The following PTPRN2 variants were observed in gnomAD, a reference collection of about 807,000 sequenced individuals.
PTPRN2 encodes receptor-type tyrosine-protein phosphatase N2.
PTPRN2 carries 74 observed loss-of-function variants against 118.8 expected under a neutral mutation model. The ratio of observed to expected loss-of-function variants is 0.62; its 90% CI spans 0.52 to 0.76. The LOEUF (loss-of-function observed/expected upper bound fraction) is 0.76. Among genes scored for constraint, PTPRN2 ranks in the 30% least tolerant of loss-of-function variants. PTPRN2 has a pLI of 0.00. For missense variants in PTPRN2, 1,481 were observed against 1,394.4 expected, an observed-to-expected ratio of 1.06 and a Z score of -0.99; for synonymous variants, 641 against 608.0, an observed-to-expected ratio of 1.05 and a Z score of -0.80.
chr7:158,337,406 C>CA (rs1805852539), intron 2 of PTPRN2, among the ~76,000 whole-genome samples: 1 of 143,196 alleles, frequency 7.0e-6, no homozygotes, highest in African/African-American at 2.6e-5. Context: ...CTGCAGACGT[C>CA]CCTCACACCC....
At chr7:158,138,619 C>T in intron 6 of PTPRN2, 104 bp from the exon 7 acceptor site, 1 of 1,050,474 alleles carries the variant, frequency 9.5e-7, no homozygotes, top group South Asian at 1.5e-5. Context: ...CGTCCCAAGG[C>T]AGTGGCCACC....
chr7:158,242,133 C>T (rs1024155000), intron 3 of PTPRN2, among the ~76,000 whole-genome samples: 2 of 152,196 alleles, frequency 1.3e-5, no homozygotes, highest in African/African-American at 4.8e-5. Context: ...AGAGCCCAGC[C>T]TGTAACCATT....
chr7:157,753,728 G>C (rs1446328975), intron 12 of PTPRN2, among the ~76,000 whole-genome samples: 1 of 149,032 alleles, frequency 6.7e-6, no homozygotes, highest in Non-Finnish European at 1.5e-5. Context: ...CCATGTGCCA[G>C]GCCCCACACC....
At chr7:157,883,263 C>T (rs763784328) in intron 12 of PTPRN2, among the ~76,000 whole-genome samples, 3 of 150,346 alleles carry the variant, frequency 2.0e-5, no homozygotes, top group Non-Finnish European at 4.4e-5. Context: ...ACACACCACC[C>T]GAAAATGACT....
intron 6 of PTPRN2, among the ~76,000 whole-genome samples, chr7:158,157,566 G>T (rs1821936036): frequency 6.6e-6 from 1 of 152,214 alleles, no homozygotes; most frequent in African/African-American, 2.4e-5. Flanking sequence ...GACATGAGCT[G>T]GGTGGAGCCG....
At chr7:158,110,731 AT>A in intron 10 of PTPRN2, 97 bp downstream of exon 10, 1 of 1,165,426 alleles carries the variant, frequency 8.6e-7, no homozygotes, top group Non-Finnish European at 1.2e-6. Flanking sequence ...CCCTCATGTA[AT>A]TAACAAGAGC....
rs1452991339 is a variant in PTPRN2 at position 157,964,701 on chromosome 7, T to C, written c.1724-65964A>G. Among the ~76,000 whole-genome samples, 1 of 152,144 alleles carries C rather than the reference T, an allele frequency of 6.6e-6. No homozygotes were observed. The highest frequency in any genetic ancestry group is 1.5e-5 in the Non-Finnish European group (1 of 68,028). On this transcript the variant is annotated intron_variant, in intron 11 of 22. Coordinates refer to ENST00000389418, the MANE Select transcript of PTPRN2 (RefSeq NM_002847.5). This position sits in a 1 kb window ranked among gnomAD's most constrained non-coding sequence, Gnocchi z 9.0. The stretch of plus-strand genomic sequence containing the variant: ...GCCAACCTGAGGCAGCATCATGGAC[T>C]TGACCGACTCACCTCAGAGCTTGGC...
chr7:158,087,506 G>A (rs574854672), intron 10 of PTPRN2, among the ~76,000 whole-genome samples: 10 of 152,336 alleles, frequency 6.6e-5, no homozygotes, highest in Admixed American at 1.3e-4. Flanking sequence ...TTCACTTACC[G>A]TGAAAGGTGA....
chr7:158,419,195 CAT>C (rs1563270851), intron 2 of PTPRN2, among the ~76,000 whole-genome samples: 1 of 152,212 alleles, frequency 6.6e-6, no homozygotes. Flanking sequence ...AGCCTGAAGA[CAT>C]GTGTCCTTGG....
chr7:157,764,920 G>GATCCATCCATATCC lies in PTPRN2; in HGVS notation c.1789-81997_1789-81984dup, dbSNP rs1039865741. Among the ~76,000 whole-genome samples, 1 of 138,314 alleles carries GATCCATCCATATCC rather than the reference G, an allele frequency of 7.2e-6. No homozygotes were observed. The highest frequency in any genetic ancestry group is 1.6e-5 in the Non-Finnish European group (1 of 63,962). 90.7% of individuals were successfully genotyped at this position (138,314 alleles called of 152,430 possible). On this transcript the variant is annotated intron_variant, in intron 12 of 22. Coordinates refer to ENST00000389418, the MANE Select transcript of PTPRN2 (RefSeq NM_002847.5). The surrounding 1 kb of genome is among the most constrained non-coding windows in gnomAD (Gnocchi z 4.5). ...CCATCTACCCATCCATCCATCCATT[G>GATCCATCCATATCC]ATCCATCCATATCCATCCATCCATA...
intron 11 of PTPRN2, among the ~76,000 whole-genome samples, chr7:157,943,988 G>T (rs1473801562): frequency 6.6e-6 from 1 of 152,170 alleles, no homozygotes; most frequent in African/African-American, 2.4e-5. Context: ...AGACAATCTT[G>T]TTCTTCCTCT....
chr7:157,912,095 G>A (rs1272030946), intron 11 of PTPRN2, among the ~76,000 whole-genome samples: 1 of 152,130 alleles, frequency 6.6e-6, no homozygotes, highest in Non-Finnish European at 1.5e-5. Flanking sequence ...ATTTTCTCCA[G>A]TACAATCACT....
At chr7:158,497,610 A>G (rs1367475470) in intron 1 of PTPRN2, among the ~76,000 whole-genome samples, 1 of 152,234 alleles carries the variant, frequency 6.6e-6, no homozygotes, top group Non-Finnish European at 1.5e-5. Context: ...AGAGAGCAGG[A>G]AGATGGGTGC....
intron 2 of PTPRN2, among the ~76,000 whole-genome samples, chr7:158,336,991 T>A (rs1839223717): frequency 1.7e-5 from 1 of 58,112 alleles, no homozygotes; most frequent in Admixed American, 2.3e-4. Flanking sequence ...CCCGCAGACG[T>A]CACTCACACC....
At chr7:157,876,625 C>T (rs376543042) in intron 12 of PTPRN2, among the ~76,000 whole-genome samples, 1 of 152,194 alleles carries the variant, frequency 6.6e-6, no homozygotes, top group African/African-American at 2.4e-5. Flanking sequence ...CCACGTCCAC[C>T]AGGGTGGCCT....
chr7:157,907,293 G>A (rs1422027183), intron 11 of PTPRN2, among the ~76,000 whole-genome samples: 1 of 152,170 alleles, frequency 6.6e-6, no homozygotes, highest in Non-Finnish European at 1.5e-5. Flanking sequence ...TGTGTGGTGT[G>A]TCCTGCGTGG....
At chr7:157,914,524 T>C (rs1358218552) in intron 11 of PTPRN2, among the ~76,000 whole-genome samples, 1 of 152,200 alleles carries the variant, frequency 6.6e-6, no homozygotes, top group East Asian at 1.9e-4. Flanking sequence ...ATGTGTAAGA[T>C]GATCCTCGAT....
At chr7:157,571,115 C>A (rs562816127) in intron 20 of PTPRN2, among the ~76,000 whole-genome samples, 4 of 146,018 alleles carry the variant, frequency 2.7e-5, no homozygotes, top group Non-Finnish European at 6.0e-5. Flanking sequence ...GGCGTGGTGG[C>A]GGGCGCAATC....
chr7:157,561,487 G>T (rs553329633), intron 21 of PTPRN2, among the ~76,000 whole-genome samples: 170 of 152,358 alleles, frequency 1.1e-3, no homozygotes, highest in African/African-American at 4.0e-3. Flanking sequence ...GCCTCTGAGC[G>T]CCGTCCCTGG....
Sources: allele counts gnomAD v4.1 joint callset (sites outside exome capture counted in the v4.1 genomes callset), GRCh38; gene constraint gnomAD v4.1.1; non-coding constraint Gnocchi (gnomAD v3.1); transcripts MANE v1.5; gene names NCBI Gene and HGNC (gene_info 2026-07-23, HGNC 2026-07-21).